The following DCDC2 variants were observed in gnomAD, a reference collection of about 807,000 sequenced individuals.
DCDC2 encodes the protein doublecortin domain-containing protein 2.
In DCDC2, 40 loss-of-function variants were observed where a neutral mutation model predicts 50.2. The ratio of observed to expected loss-of-function variants is 0.80; its 90% CI spans 0.62 to 1.04. The LOEUF is 1.04. Ranked by LOEUF, DCDC2 falls within the 50% of genes least tolerant of loss-of-function variation. The pLI is 0.00. For synonymous variants in DCDC2, 234 were observed against 210.6 expected (o/e 1.11, Z -0.96); for missense variants, 570 against 581.9 (o/e 0.98, Z 0.21).
At chr6:24,292,402 A>G (rs148521332) in intron 4 of DCDC2, among the ~76,000 whole-genome samples, 152 of 152,182 alleles carry the variant, frequency 1.0e-3, no homozygotes, top group African/African-American at 3.4e-3. Context: ...TGGCCATATC[A>G]TACAGAACCA....
upstream of DCDC2, among the ~76,000 whole-genome samples, chr6:24,362,448 A>ATTTTTTATTTAATTGTATATTTATACAAT (rs1422920248): frequency 2.2e-4 from 27 of 121,398 alleles, no homozygotes; most frequent in African/African-American, 3.7e-4. Context: ...TTATACAATT[A>ATTTTTTATTTAATTGTATATTTATACAAT]TTTTTTATTT....
intron 2 of DCDC2, among the ~76,000 whole-genome samples, chr6:24,349,518 C>A (rs183990006): frequency 1.3e-5 from 2 of 152,224 alleles, no homozygotes; most frequent in East Asian, 3.9e-4. Context: ...AATCAGAGGT[C>A]TCCAACTGCA....
intron 4 of DCDC2, among the ~76,000 whole-genome samples, chr6:24,299,767 T>A (rs2113836557): frequency 6.6e-6 from 1 of 151,866 alleles, no homozygotes; most frequent in Non-Finnish European, 1.5e-5. Context: ...AAATTTTTTT[T>A]AATTAGATGG....
At chr6:24,256,863 C>T (rs1164150390) in intron 7 of DCDC2, among the ~76,000 whole-genome samples, 1 of 152,102 alleles carries the variant, frequency 6.6e-6, no homozygotes, top group African/African-American at 2.4e-5. Flanking sequence ...TAATAGCTTC[C>T]ATTTTTTACT....
At chr6:24,264,974 C>T (rs1339313094) in intron 7 of DCDC2, among the ~76,000 whole-genome samples, 1 of 151,846 alleles carries the variant, frequency 6.6e-6, no homozygotes, top group African/African-American at 2.4e-5. Context: ...AATAGCTATA[C>T]TTATATCAGA....
At chr6:24,199,728 C>T (rs573336972) in intron 8 of DCDC2, among the ~76,000 whole-genome samples, 13 of 152,228 alleles carry the variant, frequency 8.5e-5, no homozygotes, top group African/African-American at 3.1e-4. Flanking sequence ...GCTAAAGGAG[C>T]ATGTTCTAAC....
At chr6:24,195,660 T>A (rs1761417132) in intron 8 of DCDC2, among the ~76,000 whole-genome samples, 2 of 152,152 alleles carry the variant, frequency 1.3e-5, no homozygotes, top group Admixed American at 1.3e-4. Context: ...GGCCACCACC[T>A]TCTAGATGCC....
chr6:24,231,488 AC>A (rs1327039624), intron 7 of DCDC2, among the ~76,000 whole-genome samples: 1 of 152,150 alleles, frequency 6.6e-6, no homozygotes, highest in Non-Finnish European at 1.5e-5. Flanking sequence ...AAAAGGATAT[AC>A]ACCTGTTTCT....
chr6:24,297,857 C>T (rs567851951), intron 4 of DCDC2, among the ~76,000 whole-genome samples: 128 of 152,102 alleles, frequency 8.4e-4, no homozygotes, highest in African/African-American at 3.0e-3. Context: ...CTAAACAAGT[C>T]ATAAAACGTA....
chr6:24,205,219 G>C (rs765775871), intron 7 of DCDC2, 117 bp from the exon 8 acceptor site: 3 of 1,610,014 alleles, frequency 1.9e-6, no homozygotes, highest in African/African-American at 2.7e-5. Flanking sequence ...CTTTTTAGTT[G>C]ATAGTATTTT....
chr6:24,203,903 G>A (rs116091875), intron 8 of DCDC2, among the ~76,000 whole-genome samples: 5,427 of 152,246 alleles, frequency 0.036, 135 homozygotes, highest in Non-Finnish European at 0.055. Context: ...ATCATCACTG[G>A]TCATTAGAAA....
chr6:24,319,369 A>AT lies in DCDC2; in HGVS notation c.349-17326dup, dbSNP rs533729169. Among the ~76,000 whole-genome samples, 343 of 151,462 alleles carry AT rather than the reference A, an allele frequency of 2.3e-3. 1 individual carries two copies. Among genetic ancestry groups the AT allele is most frequent in the African/African-American group, 5.9e-3 (245 of 41,258 alleles). ...CCTGTGGGATGCATAGTTTGCAAAT[A>AT]TTTTCTCCCATTCTGCAGGGTGTCT... On this transcript the variant is annotated intron_variant, in intron 2 of 9. Coordinates refer to ENST00000378454, the MANE Select transcript of DCDC2 (RefSeq NM_016356.5).
At chr6:24,203,869 CAACA>C (rs1219505457) in intron 8 of DCDC2, among the ~76,000 whole-genome samples, 1 of 152,092 alleles carries the variant, frequency 6.6e-6, no homozygotes, top group Non-Finnish European at 1.5e-5. Context: ...CTTATGCAGC[CAACA>C]AACATAAGAA....
In DCDC2 at chr6:24,289,373, C is replaced by T. The variant is rs190670730; in HGVS notation, c.705-467G>A. 2.0e-3 allele frequency among the ~76,000 whole-genome samples: 307 copies of T among 152,280 alleles called. 2 individuals carry two copies. The highest frequency in any genetic ancestry group is 7.2e-3 in the African/African-American group (299 of 41,556). ...GTAGTTTTTAAACAAGTCGTCCTCA[C>T]CAAAAAGTTAAAAATTATTTTAGGC... On this transcript the variant is annotated intron_variant, in intron 5 of 9. Transcript: ENST00000378454.
intron 7 of DCDC2, among the ~76,000 whole-genome samples, chr6:24,221,649 G>A (rs969275520): frequency 2.0e-5 from 3 of 152,182 alleles, no homozygotes; most frequent in Non-Finnish European, 4.4e-5. Flanking sequence ...ACCTAGTTTT[G>A]TTTTTGTTTT....
At chr6:24,274,365 AAAGC>A (rs890716894) in intron 7 of DCDC2, among the ~76,000 whole-genome samples, 11 of 152,314 alleles carry the variant, frequency 7.2e-5, no homozygotes, top group African/African-American at 2.4e-4. Flanking sequence ...GCCAGCCTCT[AAAGC>A]ATATCTCAAG....
chr6:24,289,971 C>CTTTTTTTTTTTT (rs3077132), intron 5 of DCDC2, among the ~76,000 whole-genome samples: 4 of 61,046 alleles, frequency 6.6e-5, no homozygotes, highest in Admixed American at 2.3e-4. Context: ...CAGAGCTCTT[C>CTTTTTTTTTTTT]TTTTTTTTTT....
At chr6:24,254,691 A>C (rs921236056) in intron 7 of DCDC2, among the ~76,000 whole-genome samples, 9 of 152,174 alleles carry the variant, frequency 5.9e-5, no homozygotes, top group Admixed American at 1.3e-4. Flanking sequence ...CAGACCTGAA[A>C]TTAAAACCAT....
intron 7 of DCDC2, among the ~76,000 whole-genome samples, chr6:24,222,954 GA>G (rs1251037711): frequency 6.6e-6 from 1 of 151,922 alleles, no homozygotes; most frequent in Non-Finnish European, 1.5e-5. Context: ...GAACTTTTAA[GA>G]AAAAAAGACT....
Sources: gnomAD v4.1 joint callset for allele counts (sites outside exome capture counted in the v4.1 genomes callset) on GRCh38, gnomAD v4.1.1 for gene constraint, MANE v1.5 for transcripts, NCBI Gene and HGNC (gene_info 2026-07-23, HGNC 2026-07-21) for gene names.